GRIA4: variants seen among roughly 807,000 people sequenced by gnomAD.
GRIA4 encodes glutamate receptor 4.
In GRIA4, 34 loss-of-function variants were observed where a neutral mutation model predicts 104.0. The observed-to-expected ratio is 0.33, with a 90% CI of 0.25 to 0.44. The LOEUF (loss-of-function observed/expected upper bound fraction) is 0.44. Ranked by LOEUF, GRIA4 falls within the 20% of genes least tolerant of loss-of-function variation. The pLI is 1.00. For synonymous variants in GRIA4, 386 were observed against 381.9 expected (o/e 1.01, Z -0.13); for missense variants, 750 against 1,096.5 (o/e 0.68, Z 4.46).
chr11:105,666,239 A>G (rs1313526424), intron 3 of GRIA4, among the ~76,000 whole-genome samples: 1 of 152,014 alleles, frequency 6.6e-6, no homozygotes, highest in East Asian at 1.9e-4. Flanking sequence ...ATTTCTATTG[A>G]TTGTACCATA....
intron 5 of GRIA4, among the ~76,000 whole-genome samples, chr11:105,884,847 G>A (rs1296653664): frequency 6.6e-6 from 1 of 152,164 alleles, no homozygotes; most frequent in Admixed American, 6.6e-5. Flanking sequence ...AATTTTTACT[G>A]ATTCCACATC....
intron 6 of GRIA4, among the ~76,000 whole-genome samples, chr11:105,888,914 AGAGT>A (rs145309183): frequency 9.2e-4 from 140 of 152,304 alleles, no homozygotes; most frequent in African/African-American, 3.2e-3. Flanking sequence ...CTGTTTTAGT[AGAGT>A]GTTTCACTAT....
chr11:105,778,984 G>A (rs1417041968), intron 4 of GRIA4, among the ~76,000 whole-genome samples: 1 of 124,010 alleles, frequency 8.1e-6, no homozygotes, highest in Non-Finnish European at 1.6e-5. Context: ...CCCTTCCTGT[G>A]TCCATGTGTT....
chr11:105,863,166 A>G (rs1004688375), intron 5 of GRIA4, among the ~76,000 whole-genome samples: 1 of 152,206 alleles, frequency 6.6e-6, no homozygotes, highest in Non-Finnish European at 1.5e-5. Context: ...CAATTGTAAG[A>G]ATGAAAACCA....
intron 10 of GRIA4, among the ~76,000 whole-genome samples, chr11:105,915,497 C>T (rs1221274275): frequency 6.6e-6 from 1 of 152,154 alleles, no homozygotes; most frequent in African/African-American, 2.4e-5. Context: ...TTAATATTTA[C>T]TTTCCTTTAG....
At chr11:105,809,572 T>A (rs1346751063) in intron 4 of GRIA4, among the ~76,000 whole-genome samples, 1 of 152,142 alleles carries the variant, frequency 6.6e-6, no homozygotes, top group Non-Finnish European at 1.5e-5. Flanking sequence ...GTTTCCCCTA[T>A]GCTGTCGCGT....
chr11:105,680,599 G>C (rs1207814231), intron 3 of GRIA4, among the ~76,000 whole-genome samples: 1 of 152,116 alleles, frequency 6.6e-6, no homozygotes, highest in Non-Finnish European at 1.5e-5. Flanking sequence ...TGCTGTGTGG[G>C]ATTCCAAATA....
intron 16 of GRIA4, among the ~76,000 whole-genome samples, chr11:105,978,029 C>T (rs1312372508): frequency 6.6e-6 from 1 of 151,996 alleles, no homozygotes; most frequent in Non-Finnish European, 1.5e-5. Flanking sequence ...TATTCATTTG[C>T]ATTTTTAAGG....
chr11:105,900,791 C>T (rs375105456), intron 7 of GRIA4, among the ~76,000 whole-genome samples: 13 of 152,116 alleles, frequency 8.5e-5, no homozygotes, highest in East Asian at 7.8e-4. Context: ...GGTTTCGCCA[C>T]GATGGCCAGG....
At chr11:105,722,336 G>A (rs1436011502) in intron 3 of GRIA4, among the ~76,000 whole-genome samples, 1 of 152,086 alleles carries the variant, frequency 6.6e-6, no homozygotes, top group African/African-American at 2.4e-5. Context: ...GGAGCATCTG[G>A]ACTTACAGTG....
intron 6 of GRIA4, among the ~76,000 whole-genome samples, chr11:105,891,514 C>G (rs1946454352): frequency 6.6e-6 from 1 of 152,138 alleles, no homozygotes; most frequent in South Asian, 2.1e-4. Flanking sequence ...CACTCCACCC[C>G]ACAACTATCC....
intron 5 of GRIA4, among the ~76,000 whole-genome samples, chr11:105,887,177 T>G (rs1174519767): frequency 5.3e-5 from 8 of 152,076 alleles, no homozygotes; most frequent in African/African-American, 1.9e-4. Context: ...ACATCTAAAT[T>G]CTTCGGATGA....
At chr11:105,950,993 C>A (rs893978557) in intron 14 of GRIA4, among the ~76,000 whole-genome samples, 2 of 152,162 alleles carry the variant, frequency 1.3e-5, no homozygotes, top group Admixed American at 6.5e-5. Context: ...GGACAAGTCA[C>A]CTAACTTTCA....
intron 14 of GRIA4, among the ~76,000 whole-genome samples, chr11:105,959,622 CCATCCAGTTCTG>C (rs1948683762): frequency 6.6e-6 from 1 of 152,168 alleles, no homozygotes; most frequent in East Asian, 1.9e-4. Context: ...ATCTGATCTT[CCATCCAGTTCTG>C]CACCCTTTAT....
At chr11:105,652,394 G>A (rs1489442499) in intron 3 of GRIA4, among the ~76,000 whole-genome samples, 1 of 152,150 alleles carries the variant, frequency 6.6e-6, no homozygotes, top group African/African-American at 2.4e-5. Context: ...AGGCTGGGCT[G>A]AGTAGAGTTT....
chr11:105,696,742 CTT>C (rs2135510377), intron 3 of GRIA4, among the ~76,000 whole-genome samples: 1 of 150,016 alleles, frequency 6.7e-6, no homozygotes, highest in East Asian at 2.0e-4. Context: ...TAAGAATAGA[CTT>C]TTCCTGACAT....
intron 3 of GRIA4, among the ~76,000 whole-genome samples, chr11:105,636,385 G>C (rs1042515282): frequency 2.6e-5 from 4 of 152,072 alleles, no homozygotes; most frequent in Non-Finnish European, 4.4e-5. Context: ...TTTACATTTT[G>C]TTCAAGGTCA....
chr11:105,813,394 T>A (rs1943255158), intron 4 of GRIA4, among the ~76,000 whole-genome samples: 1 of 152,180 alleles, frequency 6.6e-6, no homozygotes, highest in Admixed American at 6.5e-5. Context: ...AAAGTGGTAA[T>A]AAAATTGATG....
At chr11:105,875,004 G>A (rs1945761799) in intron 5 of GRIA4, among the ~76,000 whole-genome samples, 1 of 152,176 alleles carries the variant, frequency 6.6e-6, no homozygotes, top group African/African-American at 2.4e-5. Flanking sequence ...TTTTCAAAGG[G>A]AATGCTTCCA....
Sources: allele counts gnomAD v4.1 joint callset (sites outside exome capture counted in the v4.1 genomes callset), GRCh38; gene constraint gnomAD v4.1.1; transcripts MANE v1.5; gene names NCBI Gene and HGNC (gene_info 2026-07-23, HGNC 2026-07-21).